GFRA1: variants seen among roughly 807,000 people sequenced by gnomAD.
GFRA1 encodes GDNF family receptor alpha 1.
GFRA1 carries 16 observed loss-of-function variants against 51.6 expected under a neutral mutation model. The ratio of observed to expected loss-of-function variants is 0.31; its 90% CI spans 0.21 to 0.47. The LOEUF is 0.47. GFRA1 is among the 20% of genes least tolerant of loss of function. The probability of loss-of-function intolerance (pLI) is 1.00; values close to 1 mark genes in which losing one functional copy is unlikely to be tolerated. For synonymous variants in GFRA1, 270 were observed against 241.3 expected (o/e 1.12, Z -1.10); for missense variants, 530 against 594.3 (o/e 0.89, Z 1.13).
chr10:116,182,062 G>A (rs10510016), intron 5 of GFRA1, among the ~76,000 whole-genome samples: 83,821 of 148,300 alleles, frequency 0.57, 23,422 homozygotes, highest in Middle Eastern at 0.67. Flanking sequence ...ATGCATATAT[G>A]TTAAAGAACA....
At chr10:116,130,275 T>G in intron 5 of GFRA1, among the ~76,000 whole-genome samples, 1 of 152,100 alleles carries the variant, frequency 6.6e-6, no homozygotes, top group South Asian at 2.1e-4. Flanking sequence ...TTATATAGTT[T>G]TAACAACTTT....
intron 5 of GFRA1, among the ~76,000 whole-genome samples, chr10:116,161,610 C>T (rs1959803875): frequency 6.6e-6 from 1 of 152,168 alleles, no homozygotes; most frequent in Non-Finnish European, 1.5e-5. Context: ...TTCCCCCATA[C>T]TGTTCTCTTG....
intron 5 of GFRA1, among the ~76,000 whole-genome samples, chr10:116,137,631 G>A (rs923743666): frequency 3.3e-5 from 5 of 152,138 alleles, no homozygotes; most frequent in Non-Finnish European, 4.4e-5. Flanking sequence ...TAATTGCAGC[G>A]CTTCACATTT....
At chr10:116,104,266 T>C (rs1402405438) in intron 6 of GFRA1, among the ~76,000 whole-genome samples, 1 of 152,262 alleles carries the variant, frequency 6.6e-6, no homozygotes, top group Admixed American at 6.5e-5. Flanking sequence ...CTTTGTTTCC[T>C]GGGACAGAAA....
rs186118301 is a variant in GFRA1 at position 116,214,488 on chromosome 10, C to T, written c.419-2843G>A. Among the ~76,000 whole-genome samples, 219 of 152,226 alleles carry T rather than the reference C, an allele frequency of 1.4e-3. 3 individuals carry two copies. The highest frequency in any genetic ancestry group is 4.9e-4 in the Non-Finnish European group (33 of 68,016). Reference sequence around the variant, plus strand: ...ATTTTACAGGTGAGGAAACTGAGTCCCAGACAGTTCAGAGATTTTTCTCAA... The same window carrying T: ...ATTTTACAGGTGAGGAAACTGAGTCTCAGACAGTTCAGAGATTTTTCTCAA... On this transcript the variant is annotated intron_variant, in intron 4 of 10. Coordinates refer to ENST00000355422, the MANE Select transcript of GFRA1 (RefSeq NM_005264.8).
chr10:116,097,549 G>C (rs1158696858), intron 6 of GFRA1, among the ~76,000 whole-genome samples: 2 of 152,198 alleles, frequency 1.3e-5, no homozygotes, highest in Non-Finnish European at 1.5e-5. Flanking sequence ...AGACACGCTG[G>C]TCTGCGGAGA....
At chr10:116,064,575 A>G (rs770056779) in intron 10 of GFRA1, 31 bp from the exon 11 acceptor site, 2 of 1,589,410 alleles carry the variant, frequency 1.3e-6, no homozygotes, top group East Asian at 4.5e-5. Context: ...ATTATCATCC[A>G]CTGCATGTCT....
At chr10:116,218,473 A>G (rs1965711146) in intron 4 of GFRA1, among the ~76,000 whole-genome samples, 1 of 152,210 alleles carries the variant, frequency 6.6e-6, no homozygotes, top group Admixed American at 6.5e-5. Context: ...ACAACAAACC[A>G]CTGAAGCAGA....
chr10:116,083,199 A>G (rs1176434733), intron 9 of GFRA1, among the ~76,000 whole-genome samples: 1 of 152,254 alleles, frequency 6.6e-6, no homozygotes, highest in African/African-American at 2.4e-5. Flanking sequence ...AAAGTGCGGA[A>G]GAACTGCTCT....
At chr10:116,210,226 A>G (rs1420680881) in intron 5 of GFRA1, among the ~76,000 whole-genome samples, 2 of 152,190 alleles carry the variant, frequency 1.3e-5, no homozygotes, top group African/African-American at 4.8e-5. Flanking sequence ...TAGAAAAGCC[A>G]GATCTGACAC....
At chr10:116,129,130 TTTCAGA>T (rs1157507099) in intron 5 of GFRA1, among the ~76,000 whole-genome samples, 1 of 152,198 alleles carries the variant, frequency 6.6e-6, no homozygotes, top group Non-Finnish European at 1.5e-5. Context: ...TTCCTTTTTA[TTTCAGA>T]TTCTCATTCA....
intron 5 of GFRA1, among the ~76,000 whole-genome samples, chr10:116,160,588 A>T (rs1959654004): frequency 6.6e-6 from 1 of 152,258 alleles, no homozygotes; most frequent in South Asian, 2.1e-4. Context: ...ACCATAATCC[A>T]CAAGCAATAA....
rs899698 is a variant in GFRA1 at position 116,058,587 on chromosome 10, C to T, written c.*5811G>A. 0.2 allele frequency: 31,010 copies of T among 151,996 alleles called. 3,478 individuals carry two copies. Among genetic ancestry groups the T allele is most frequent in the African/African-American group, 0.3 (12,521 of 41,418 alleles). The allele number at this position is 151,996 out of a possible 1,614,324, so 9.4% of individuals were successfully genotyped here. On this transcript the variant is annotated 3_prime_UTR_variant, in exon 11 of 11. Coordinates refer to ENST00000355422, the MANE Select transcript of GFRA1 (RefSeq NM_005264.8). Reference sequence around the variant, plus strand: ...AGGACTTACCCCTGGGAGACTGAGTCTCAGTTTCATGAATGATTTGTAAAG... The same window carrying T: ...AGGACTTACCCCTGGGAGACTGAGTTTCAGTTTCATGAATGATTTGTAAAG...
chr10:116,140,767 G>T (rs746975009), intron 5 of GFRA1, among the ~76,000 whole-genome samples: 5 of 152,216 alleles, frequency 3.3e-5, no homozygotes, highest in Admixed American at 6.5e-5. Context: ...ACTCAGGAGT[G>T]TTTCCGCATT....
In GFRA1 at chr10:116,159,901, T is replaced by A. The variant is rs1253890237; in HGVS notation, c.434-34344A>T. 2.0e-5 allele frequency among the ~76,000 whole-genome samples: 3 copies of A among 152,324 alleles called. No homozygotes were observed. The South Asian group carries it at 6.2e-4, about 32-fold the overall frequency. The stretch of plus-strand genomic sequence containing the variant: ...TCCACAGCTTATCAATCATATAAAA[T>A]GGTCATTAATCCCACCTCCCACTGA... On this transcript the variant is annotated intron_variant, in intron 5 of 10. Coordinates refer to ENST00000355422, the MANE Select transcript of GFRA1 (RefSeq NM_005264.8).
At chr10:116,154,482 C>T (rs572486672) in intron 5 of GFRA1, among the ~76,000 whole-genome samples, 191 of 152,246 alleles carry the variant, frequency 1.3e-3, no homozygotes, top group African/African-American at 3.0e-3. Flanking sequence ...TTTTATTATT[C>T]CATTTATATA....
chr10:116,080,704 G>A (rs1565559410), intron 9 of GFRA1, among the ~76,000 whole-genome samples: 1 of 152,082 alleles, frequency 6.6e-6, no homozygotes, highest in East Asian at 1.9e-4. Context: ...CTGAGTGTCC[G>A]AGTAATGGGA....
At chr10:116,241,455 C>G (rs547933882) in intron 4 of GFRA1, among the ~76,000 whole-genome samples, 1 of 152,326 alleles carries the variant, frequency 6.6e-6, no homozygotes, top group Admixed American at 6.5e-5. Flanking sequence ...AGCCTCTGAG[C>G]TGACTGTCTC....
chr10:116,180,753 T>C (rs1237987802), intron 5 of GFRA1, among the ~76,000 whole-genome samples: 3 of 152,172 alleles, frequency 2.0e-5, no homozygotes, highest in Admixed American at 6.5e-5. Flanking sequence ...GAGCTCTTCA[T>C]TTCATTTGGA....
Sources: allele counts gnomAD v4.1 joint callset (sites outside exome capture counted in the v4.1 genomes callset), GRCh38; gene constraint gnomAD v4.1.1; transcripts MANE v1.5; gene names NCBI Gene and HGNC (gene_info 2026-07-23, HGNC 2026-07-21).